The following RNF17 variants were observed in gnomAD, a reference collection of about 807,000 sequenced individuals.
RNF17 encodes spermatogenesis associated 23.
RNF17 carries 31 observed loss-of-function variants against 200.5 expected under a neutral mutation model. The observed-to-expected ratio is 0.15, with a 90% CI of 0.12 to 0.21. The LOEUF (loss-of-function observed/expected upper bound fraction) is 0.21. Among genes scored for constraint, RNF17 ranks in the 10% least tolerant of loss-of-function variants. The probability of loss-of-function intolerance (pLI) is 1.00; values close to 1 mark genes in which losing one functional copy is unlikely to be tolerated. For synonymous variants in RNF17, 606 were observed against 637.8 expected (o/e 0.95, Z 0.75); for missense variants, 1,628 against 1,905.1 (o/e 0.85, Z 2.71).
upstream of RNF17, among the ~76,000 whole-genome samples, chr13:24,760,108 G>A (rs1430827152): frequency 1.3e-5 from 2 of 152,002 alleles, no homozygotes; most frequent in Non-Finnish European, 2.9e-5. Context: ...GCCACTGCAC[G>A]CCAGCCTGGG....
At chr13:24,850,296 G>T (rs1407635487) in intron 22 of RNF17, 45 bp from the exon 23 acceptor site, 2 of 1,209,268 alleles carry the variant, frequency 1.7e-6, no homozygotes, top group South Asian at 1.3e-5. Context: ...TTTCAATATT[G>T]TATGCTATTT....
At position 24,804,292 on chromosome 13, in the gene RNF17, A is replaced by C; in HGVS notation, c.1954A>C (p.Lys652Gln). 2 of 1,612,414 alleles carry C rather than the reference A, an allele frequency of 1.2e-6. No individual in the cohort carries two copies. The highest frequency in any genetic ancestry group is 1.7e-6 in the Non-Finnish European group (2 of 1,178,922). The change falls in exon 15 of 36, where the codon AAG (lysine) becomes CAG (glutamine). Residue 652 changes from lysine to glutamine, a missense_variant. This residue lies in a region of RNF17 where 289 missense variants were observed against 384.9 expected (regional missense o/e 0.75). Transcript: ENST00000255324. ...TTTCATTATGCTTTTAATTAGGTTT[A>C]AGTCACAATCACTAAGAAGTCACTT... is the stretch of plus-strand genomic sequence containing the variant. ...ALVFMELAKF[K>Q]SQSLRSHFEK...
At chr13:24,779,825 C>T (rs752411596) in intron 5 of RNF17, 78 bp downstream of exon 5, 47 of 1,127,652 alleles carry the variant, frequency 4.2e-5, no homozygotes, top group Non-Finnish European at 5.8e-5. Flanking sequence ...GAGATGTTAC[C>T]ACTGAGGTTA....
intron 15 of RNF17, among the ~76,000 whole-genome samples, chr13:24,805,962 C>T (rs915154912): frequency 6.6e-6 from 1 of 151,850 alleles, no homozygotes; most frequent in Non-Finnish European, 1.5e-5. Flanking sequence ...CATAGGTATA[C>T]ATGTGCCATG....
chr13:24,887,416 A>G, the RNF17 span, among the ~76,000 whole-genome samples: 5 of 152,174 alleles, frequency 3.3e-5, no homozygotes, highest in Admixed American at 1.3e-4. Context: ...CATCACTCGC[A>G]TTACCACCTG....
downstream of RNF17, chr13:24,883,827 T>TG (rs1953933254): frequency 3.3e-6 from 3 of 919,168 alleles, no homozygotes; most frequent in South Asian, 4.0e-5. Flanking sequence ...GACATGCCTG[T>TG]GGGACATTCA....
chr13:24,859,239 C>G, intron 26 of RNF17, 75 bp downstream of exon 26: 1 of 1,068,404 alleles, frequency 9.4e-7, no homozygotes, highest in Non-Finnish European at 1.3e-6. Context: ...CATTTGAACA[C>G]GAGAAAGTTG....
chr13:24,759,321 C>A (rs922769199), upstream of RNF17, among the ~76,000 whole-genome samples: 2 of 152,258 alleles, frequency 1.3e-5, no homozygotes, highest in Middle Eastern at 6.8e-3. Context: ...CCCACAAACA[C>A]AATTTAAAAA....
In RNF17 at chr13:24,874,197, A is replaced by G. The variant is rs140669755; in HGVS notation, c.4531A>G (p.Ile1511Val). ...CATTAAAGAATTTAATCCTTTATCTATCTTAGTACAATTTGTTGATTATGG... is the reference window on the plus strand; with the variant it reads ...CATTAAAGAATTTAATCCTTTATCTGTCTTAGTACAATTTGTTGATTATGG... ...VAIKEFNPLS[I>V]LVQFVDYGST... is the part of the protein sequence containing the mutation. The change falls in exon 33 of 36, where the codon ATC becomes GTC. Residue 1511 changes from isoleucine to valine, a missense_variant. Ile to Val is a conservative substitution (Grantham distance 29). This residue lies in a region of RNF17 where 609 missense variants were observed against 681.9 expected (regional missense o/e 0.89). Transcript: ENST00000255324. 8.5e-5 allele frequency: 137 copies of G among 1,609,568 alleles called. No individual in the cohort carries two copies. In the Admixed American group the frequency reaches 9.3e-4, roughly 11 times the overall value.
intron 12 of RNF17, among the ~76,000 whole-genome samples, chr13:24,799,936 A>G (rs891467012): frequency 5.9e-5 from 9 of 152,144 alleles, no homozygotes; most frequent in African/African-American, 2.2e-4. Flanking sequence ...AATGTTTTTC[A>G]AAGTGTCATA....
At chr13:24,828,717 C>G (rs1372811263) in intron 16 of RNF17, among the ~76,000 whole-genome samples, 2 of 150,986 alleles carry the variant, frequency 1.3e-5, no homozygotes, top group Non-Finnish European at 2.9e-5. Context: ...TCACTTTTCA[C>G]TTTATTTTCT....
At chr13:24,846,040 C>T (rs1412407594) in intron 22 of RNF17, among the ~76,000 whole-genome samples, 1 of 152,174 alleles carries the variant, frequency 6.6e-6, no homozygotes, top group East Asian at 1.9e-4. Flanking sequence ...CTGCAGTGAG[C>T]TATGATTGTG....
chr13:24,866,664 A>G (rs1430094489), intron 30 of RNF17, among the ~76,000 whole-genome samples: 1 of 152,208 alleles, frequency 6.6e-6, no homozygotes, highest in Non-Finnish European at 1.5e-5. Flanking sequence ...TTGTTTACCC[A>G]TTCATCTGTT....
intron 15 of RNF17, chr13:24,824,444 GC>G: frequency 2.8e-6 from 1 of 361,902 alleles, no homozygotes; most frequent in East Asian, 4.1e-5. Context: ...ATTTTCACTT[GC>G]ATCATTATAC....
At chr13:24,760,717 C>G (rs550303366), upstream of RNF17, among the ~76,000 whole-genome samples, 4 of 152,204 alleles carry the variant, frequency 2.6e-5, no homozygotes, top group African/African-American at 9.6e-5. Flanking sequence ...TATTTGCAAA[C>G]TATACATCTG....
At chr13:24,764,097 G>A (rs1044122576), upstream of RNF17, 24 of 1,097,210 alleles carry the variant, frequency 2.2e-5, no homozygotes, top group Non-Finnish European at 2.9e-5. Flanking sequence ...TTAATCTCCC[G>A]GCCCACTGTT....
chr13:24,774,742 A>C, intron 2 of RNF17, 71 bp from the exon 3 acceptor site: 1 of 835,728 alleles, frequency 1.2e-6, no homozygotes, highest in Non-Finnish European at 2.0e-6. Flanking sequence ...ACACTTAAAT[A>C]GTTGTTTAGG....
chr13:24,792,583 A>G (rs1391734814), intron 9 of RNF17, among the ~76,000 whole-genome samples: 1 of 152,170 alleles, frequency 6.6e-6, no homozygotes, highest in Non-Finnish European at 1.5e-5. Context: ...GGTCGTGTAC[A>G]TATATATGAC....
chr13:24,778,497 TC>T, intron 4 of RNF17, 91 bp downstream of exon 4: 4 of 852,242 alleles, frequency 4.7e-6, no homozygotes, highest in Non-Finnish European at 7.9e-6. Context: ...AATTATAGAT[TC>T]TTTTGGAAGT....
Sources: gnomAD v4.1 joint callset for allele counts (sites outside exome capture counted in the v4.1 genomes callset) on GRCh38, gnomAD v4.1.1 for gene constraint, gnomAD v4.1.1 regional missense constraint, MANE v1.5 for transcripts, NCBI Gene and HGNC (gene_info 2026-07-23, HGNC 2026-07-21) for gene names.